CXXC1: variants seen among roughly 807,000 people sequenced by gnomAD.
CXXC1 encodes the protein CXXC finger protein 1.
CXXC1 carries 21 observed loss-of-function variants against 83.6 expected under a neutral mutation model. The ratio of observed to expected loss-of-function variants is 0.25; its 90% confidence interval spans 0.18 to 0.36. The LOEUF is 0.36. Ranked by LOEUF, CXXC1 falls within the 10% of genes least tolerant of loss-of-function variation. CXXC1 has a pLI of 1.00. For missense variants in CXXC1, 688 were observed against 919.5 expected (o/e 0.75, Z 3.26); for synonymous variants, 371 against 337.5 (o/e 1.10, Z -1.09).
In CXXC1 at chr18:50,283,317, G is replaced by A. The variant is rs1476753672; in HGVS notation, c.1619C>T (p.Thr540Ile). The A allele has an allele frequency of 6.2e-7, 1 of 1,613,904 alleles. No individual in the cohort carries two copies. The highest frequency in any genetic ancestry group is 1.3e-5 in the African/African-American group (1 of 74,876). ...FCDVYNPQSK[T>I]YCKRLQVLCP... Reference sequence around the variant, plus strand: ...CAGCACCTGGAGCCGCTTACAGTATGTTTTGCTCTGAGGATTATACACATC... The same window carrying A: ...CAGCACCTGGAGCCGCTTACAGTATATTTTGCTCTGAGGATTATACACATC... The change falls in exon 13 of 15, where the codon ACA (threonine) becomes ATA (isoleucine). Residue 540 changes from threonine (T) to isoleucine (I), a missense_variant. Thr to Ile is a moderately conservative substitution (Grantham distance 89). This residue lies in a region of CXXC1 where 114 missense variants were observed against 173.3 expected (regional missense o/e 0.66). Transcript: ENST00000285106.
rs755570848 is a variant in CXXC1 at position 50,285,243 on chromosome 18, G to A, written c.671C>T (p.Ser224Leu). 4.6e-5 allele frequency: 75 copies of A among 1,613,968 alleles called. No homozygotes were observed. The highest frequency in any genetic ancestry group is 6.3e-5 in the Non-Finnish European group (74 of 1,179,982). ...ESYKYFPSSL[S>L]PVTPSESLPR... ...CAGGGACTCTGAGGGCGTCACTGGT[G>A]AGAGCTGCAGGGCAGAATCTCAGGA... Residue 224 changes from serine to leucine, a missense_variant, in exon 7 of 15, where the codon TCA becomes TTA. Physicochemically the swap from Ser to Leu is moderately radical, Grantham distance 145. Transcript: ENST00000285106. This position sits in a 1 kb window ranked among gnomAD's most constrained non-coding sequence, Gnocchi z 4.4.
chr18:50,287,049 TCCATACTTC>T (rs1395215708), intron 1 of CXXC1, 191 bp from the exon 2 acceptor site: 7 of 590,422 alleles, frequency 1.2e-5, no homozygotes, highest in Non-Finnish European at 2.1e-5. Flanking sequence ...ATTACTCTGC[TCCATACTTC>T]CCATCACGCA....
At position 50,282,923 on chromosome 18, in the gene CXXC1, G is replaced by C; in HGVS notation, c.1755C>G (p.Arg585=). The change falls in exon 14 of 15, where the codon CGC becomes CGG. Residue 585 remains arginine (R), a synonymous_variant. Coordinates refer to ENST00000285106, the MANE Select transcript of CXXC1 (RefSeq NM_014593.4). The surrounding 1 kb of genome is among the most constrained non-coding windows in gnomAD (Gnocchi z 5.8). ...CCCAGCAGTAATGGCGATTGCACTG[G>C]CGCTTGGGCAGGCGGCAGAAGTCAC... ...LTGDFCRLPK[R]QCNRHYCWEK... is the part of the protein sequence containing the mutation. 6.2e-7 allele frequency: 1 copy of C among 1,614,208 alleles called. No individual in the cohort carries two copies. Among genetic ancestry groups the C allele is most frequent in the Non-Finnish European group, 8.5e-7 (1 of 1,180,038 alleles).
chr18:50,286,294 C>G lies in CXXC1; in HGVS notation c.224-37G>C, dbSNP rs758359223. ...AGAGTAGGGCCAAAGTGAGTGAGCA[C>G]TGGATGGCTTGAATGGTCCCAAAAC... On this transcript the variant is annotated intron_variant, in intron 3 of 14. Coordinates refer to ENST00000285106, the MANE Select transcript of CXXC1 (RefSeq NM_014593.4). 12 of 1,542,206 alleles carry G rather than the reference C, an allele frequency of 7.8e-6. No homozygotes were observed. The African/African-American group carries it at 1.6e-4, about 21-fold the overall frequency.
At chr18:50,283,482 C>G (rs758127185) in intron 12 of CXXC1, 33 bp downstream of exon 12, 16 of 1,613,270 alleles carry the variant, frequency 9.9e-6, no homozygotes, top group Middle Eastern at 3.3e-4. Context: ...CGCCTTAACC[C>G]CCCACCTCTC....
Position 50,283,986 on chromosome 18 carries a change from G to A in CXXC1, c.1321C>T (p.Arg441Cys), listed in dbSNP as rs1353994963. The change falls in exon 10 of 15, where the codon CGC (arginine) becomes TGC (cysteine). Residue 441 changes from arginine (R) to cysteine (C), a missense_variant. Arg to Cys is a radical substitution (Grantham distance 180). This residue lies in a region of CXXC1 where 100 missense variants were observed against 142.5 expected (regional missense o/e 0.70). Transcript: ENST00000285106. ...ERIRREQQSA[R>C]TRLQEMERRF... Reference sequence around the variant, plus strand: ...CGTTCCATTTCCTGAAGGCGAGTGCGGGCACTCTGCTGCTCTCGGCGAATG... The same window carrying A: ...CGTTCCATTTCCTGAAGGCGAGTGCAGGCACTCTGCTGCTCTCGGCGAATG... 6.2e-7 allele frequency: 1 copy of A among 1,613,444 alleles called. No homozygotes were observed. Among genetic ancestry groups the A allele is most frequent in the Non-Finnish European group, 8.5e-7 (1 of 1,179,984 alleles).
chr18:50,286,004 C>T lies in CXXC1; in HGVS notation c.459+18G>A. On this transcript the variant is annotated intron_variant, in intron 4 of 14. Transcript: ENST00000285106. ...CGGAACCACTTTACACATCCATTCA[C>T]TTTATGCAGCCACTCACCTGGCTGG... 1 of 1,613,778 alleles carries T rather than the reference C, an allele frequency of 6.2e-7. No individual in the cohort carries two copies. Among genetic ancestry groups the T allele is most frequent in the Non-Finnish European group, 8.5e-7 (1 of 1,179,800 alleles).
rs756809118 is a variant in CXXC1, at chr18:50,286,050, G to A, written c.431C>T (p.Pro144Leu). 7 of 1,613,822 alleles carry A rather than the reference G, an allele frequency of 4.3e-6. No individual in the cohort carries two copies. In the East Asian group the frequency reaches 6.7e-5, roughly 15 times the overall value. ...GCTGGGTGTGGCCACCAAGGGCTGC[G>A]GAGAGGATTTGTGGGGCGAAGCAGA... is the stretch of plus-strand genomic sequence containing the variant. ...RGSASPHKSS[P>L]QPLVATPSQH... is the part of the protein sequence containing the mutation. Residue 144 changes from proline to leucine, a missense_variant, in exon 4 of 15, where the codon CCG (proline) becomes CTG (leucine). Coordinates refer to ENST00000285106, the MANE Select transcript of CXXC1 (RefSeq NM_014593.4).
chr18:50,283,615 C>A, intron 11 of CXXC1, 51 bp from the exon 12 acceptor site: 1 of 1,610,566 alleles, frequency 6.2e-7, no homozygotes, highest in Non-Finnish European at 8.5e-7. Flanking sequence ...GCTGCATGCC[C>A]TCCCAAGACA....
At position 50,284,717 on chromosome 18, in the gene CXXC1, T is replaced by C. The variant is rs772858815; in HGVS notation, c.1020+15A>G. ...ACCCTCTGCCTTTCCACATCCACTT[T>C]ACCCTCTCCATCACCTTCTTCTCAG... On this transcript the variant is annotated intron_variant, in intron 8 of 14. Transcript: ENST00000285106. 3 of 1,612,174 alleles carry C rather than the reference T, an allele frequency of 1.9e-6. No homozygotes were observed. The South Asian group carries it at 3.3e-5, about 18-fold the overall frequency.
chr18:50,285,605 CT>C lies in CXXC1; in HGVS notation c.639+143del, dbSNP rs1002837505. On this transcript the variant is annotated intron_variant, in intron 5 of 14. Coordinates refer to ENST00000285106, the MANE Select transcript of CXXC1 (RefSeq NM_014593.4). This position sits in a 1 kb window ranked among gnomAD's most constrained non-coding sequence, Gnocchi z 4.4. ...GCATACCAGGTCATGCCCCATTCATCTGGACATGACAGGCCCCTTCCCACCT... is the reference window on the plus strand; with the variant it reads ...GCATACCAGGTCATGCCCCATTCATCGGACATGACAGGCCCCTTCCCACCT... The C allele has an allele frequency of 1.8e-6, 2 of 1,120,604 alleles. No individual in the cohort carries two copies. Among genetic ancestry groups the C allele is most frequent in the African/African-American group, 3.1e-5 (2 of 64,134 alleles). The allele number at this position is 1,120,604 out of a possible 1,614,324, so 69.4% of individuals were successfully genotyped here. A position where few individuals can be genotyped will look rare whatever the true frequency, so the allele number is the denominator to read the frequency against.
rs1353059596 is a variant in CXXC1 at position 50,285,516 on chromosome 18, C to G, written c.640-165G>C. On this transcript the variant is annotated intron_variant, in intron 5 of 14. Coordinates refer to ENST00000285106, the MANE Select transcript of CXXC1 (RefSeq NM_014593.4). The surrounding 1 kb of genome is among the most constrained non-coding windows in gnomAD (Gnocchi z 4.4). Reference sequence around the variant, plus strand: ...GCCTGATCTGTACCAACATGCATGACCACCTGAAAACACCTGGCCCCACTC... The same window carrying G: ...GCCTGATCTGTACCAACATGCATGAGCACCTGAAAACACCTGGCCCCACTC... The G allele has an allele frequency of 1.0e-6, 1 of 1,000,908 alleles. No individual in the cohort carries two copies. Among genetic ancestry groups the G allele is most frequent in the Non-Finnish European group, 1.5e-6 (1 of 689,486 alleles). 62.0% of individuals were successfully genotyped at this position (1,000,908 alleles called of 1,614,324 possible).
In CXXC1 at chr18:50,282,537, C is replaced by T. The variant is rs995459371; in HGVS notation, c.*56G>A. 10 of 1,589,880 alleles carry T rather than the reference C, an allele frequency of 6.3e-6. No individual in the cohort carries two copies. The highest frequency in any genetic ancestry group is 8.5e-6 in the Non-Finnish European group (10 of 1,172,858). ...ATGAGTGGAGGAACGGACACACGGG[C>T]ACCGGGCGGCTCCCCCATCTGGAAT... On this transcript the variant is annotated 3_prime_UTR_variant, in exon 15 of 15. Transcript: ENST00000285106. The surrounding 1 kb of genome is among the most constrained non-coding windows in gnomAD (Gnocchi z 5.8).
chr18:50,283,002 G>A lies in CXXC1; in HGVS notation c.1676C>T (p.Pro559Leu), dbSNP rs2040580743. The change falls in exon 14 of 15, where the codon CCA becomes CTA. Residue 559 changes from proline (P) to leucine (L), a missense_variant. Around this residue, in one of 9 missense-constraint regions of CXXC1, gnomAD observed 114 missense variants for 173.3 expected, o/e 0.66. Coordinates refer to ENST00000285106, the MANE Select transcript of CXXC1 (RefSeq NM_014593.4). ...GGGGCACCCGCATACCTCGTCAGCT[G>A]GCACCTGCAAGGAGGCCAGGTTGGG... ...CPEHSRDPKVPADEVCGCPLV... is the reference protein window; with the variant it reads ...CPEHSRDPKVLADEVCGCPLV... 6.2e-7 allele frequency: 1 copy of A among 1,613,986 alleles called. No homozygotes were observed. Among genetic ancestry groups the A allele is most frequent in the Non-Finnish European group, 8.5e-7 (1 of 1,180,026 alleles).
rs1210340261 is a variant in CXXC1, at chr18:50,283,993, C to T, written c.1314G>A (p.Gln438=). ...TTTCCTGAAGGCGAGTGCGGGCACT[C>T]TGCTGCTCTCGGCGAATGCGTTCGA... The part of the protein sequence containing the change: ...KLLERIRREQ[Q]SARTRLQEME... The change falls in exon 10 of 15, where the codon CAG becomes CAA. Residue 438 remains glutamine, a synonymous_variant. Transcript: ENST00000285106. 1 of 1,613,320 alleles carries T rather than the reference C, an allele frequency of 6.2e-7. No individual in the cohort carries two copies. Among genetic ancestry groups the T allele is most frequent in the Non-Finnish European group, 8.5e-7 (1 of 1,179,912 alleles).
Position 50,287,627 on chromosome 18 carries a change from A to G in CXXC1, c.-38T>C, listed in dbSNP as rs1289354957. ...GGCGCACTCCCTCACGACCCCCGCC[A>G]GCGACCCGCGAACCTGCACAGACCA... On this transcript the variant is annotated 5_prime_UTR_variant, in exon 1 of 15. Transcript: ENST00000285106. 1 of 1,608,748 alleles carries G rather than the reference A, an allele frequency of 6.2e-7. No homozygotes were observed. Among genetic ancestry groups the G allele is most frequent in the East Asian group, 2.2e-5 (1 of 44,856 alleles).
Position 50,286,028 on chromosome 18 carries a change from G to A in CXXC1, c.453C>T (p.Pro151=), listed in dbSNP as rs1335891316. 6.2e-7 allele frequency: 1 copy of A among 1,613,786 alleles called. No individual in the cohort carries two copies. Among genetic ancestry groups the A allele is most frequent in the Admixed American group, 1.7e-5 (1 of 60,026 alleles). The change falls in exon 4 of 15, where the codon CCC becomes CCT. Residue 151 remains proline, a synonymous_variant. Coordinates refer to ENST00000285106, the MANE Select transcript of CXXC1 (RefSeq NM_014593.4). ...ACTTTATGCAGCCACTCACCTGGCT[G>A]GGTGTGGCCACCAAGGGCTGCGGAG... ...KSSPQPLVAT[P]SQHHQQQQQQ...
rs763259620 is a variant in CXXC1 at position 50,283,241 on chromosome 18, G to A, written c.1671+24C>T. ...CGAGGCAGGGAGGAGGGGCAAAATG[G>A]GAGGAGCTGAGGGAAAACCTTACTT... On this transcript the variant is annotated intron_variant, in intron 13 of 14. Transcript: ENST00000285106. 3.1e-6 allele frequency: 5 copies of A among 1,595,918 alleles called. No individual in the cohort carries two copies. The South Asian group carries it at 4.4e-5, about 14-fold the overall frequency.
At position 50,284,083 on chromosome 18, in the gene CXXC1, G is replaced by T. The variant is rs1435499711; in HGVS notation, c.1224C>A (p.Leu408=). The change falls in exon 10 of 15, where the codon CTC becomes CTA. Residue 408 remains leucine (L), a synonymous_variant. Coordinates refer to ENST00000285106, the MANE Select transcript of CXXC1 (RefSeq NM_014593.4). ...GCTGCCACTGCTGGATGCGCTGGGGGAGGATCTCGTAGATGCGGCTGCAGG... is the reference window on the plus strand; with the variant it reads ...GCTGCCACTGCTGGATGCGCTGGGGTAGGATCTCGTAGATGCGGCTGCAGG... ...KLAANRIYEI[L]PQRIQQWQQS... 1.9e-6 allele frequency: 3 copies of T among 1,607,184 alleles called. No homozygotes were observed. The African/African-American group carries it at 4.0e-5, about 21-fold the overall frequency.
Sources: allele counts gnomAD v4.1 joint callset, GRCh38; gene constraint gnomAD v4.1.1; regional missense constraint gnomAD v4.1.1; non-coding constraint Gnocchi (gnomAD v3.1); transcripts MANE v1.5; gene names NCBI Gene and HGNC (gene_info 2026-07-23, HGNC 2026-07-21).